Variants in CIROZ observed in about 807,000 individuals in gnomAD.
The protein encoded by CIROZ is ciliated left-right organizer ZP-N domains-containing protein.
chr1:10,964,294 G>T, the CIROZ span: 1 of 1,590,572 alleles, frequency 6.3e-7, no homozygotes, highest in South Asian at 1.1e-5. Flanking sequence ...CAAAATTCAT[G>T]TATGCAAATG....
the CIROZ span, chr1:10,966,269 G>T: frequency 7.2e-7 from 1 of 1,379,708 alleles, no homozygotes; most frequent in South Asian, 1.6e-5. Flanking sequence ...GAATAATGGT[G>T]CAGTGTCTCC....
the CIROZ span, among the ~76,000 whole-genome samples, chr1:10,961,200 C>T: frequency 2.0e-5 from 3 of 152,198 alleles, no homozygotes; most frequent in Non-Finnish European, 4.4e-5. Context: ...CGGCGGCTTC[C>T]AGAATCACAG....
the CIROZ span, chr1:10,946,872 C>T: frequency 6.6e-6 from 1 of 152,318 alleles, no homozygotes; most frequent in African/African-American, 2.4e-5. Context: ...GGGTAAACAC[C>T]AAGGGTTCAT....
At chr1:10,971,714 G>A in the CIROZ span, among the ~76,000 whole-genome samples, 2 of 152,176 alleles carry the variant, frequency 1.3e-5, no homozygotes, top group East Asian at 1.9e-4. Context: ...ACTTCTACTC[G>A]AGTGAGGATA....
At chr1:10,965,847 T>C in the CIROZ span, among the ~76,000 whole-genome samples, 5 of 150,634 alleles carry the variant, frequency 3.3e-5, no homozygotes, top group African/African-American at 9.7e-5. Flanking sequence ...GGAAAAAGAA[T>C]ACAAAAATAT....
chr1:10,948,190 T>C, the CIROZ span: 1 of 1,613,802 alleles, frequency 6.2e-7, no homozygotes, highest in African/African-American at 1.3e-5. Flanking sequence ...ATGTCCTGGC[T>C]TGGTTCTGAG....
At chr1:10,957,455 T>C in the CIROZ span, 1 of 1,056,720 alleles carries the variant, frequency 9.5e-7, no homozygotes, top group Non-Finnish European at 1.3e-6. Flanking sequence ...GCGGAGCGCT[T>C]TACGCTAATG....
the CIROZ span, chr1:10,966,424 C>G: frequency 6.5e-7 from 1 of 1,536,718 alleles, no homozygotes; most frequent in Non-Finnish European, 8.7e-7. Flanking sequence ...AAGCCAGATG[C>G]AGGAAGTAGC....
the CIROZ span, chr1:10,957,861 C>T: frequency 8.9e-5 from 116 of 1,296,538 alleles, no homozygotes; most frequent in African/African-American, 1.5e-3. Context: ...AACAGGGTCA[C>T]GGGGAGGATA....
the CIROZ span, chr1:10,958,570 G>C: frequency 2.0e-6 from 2 of 981,066 alleles, no homozygotes; most frequent in Admixed American, 3.8e-5. Flanking sequence ...GGCAAGACCT[G>C]GTCCTTGAAG....
the CIROZ span, among the ~76,000 whole-genome samples, chr1:10,958,208 G>C: frequency 6.6e-6 from 1 of 152,202 alleles, no homozygotes; most frequent in East Asian, 1.9e-4. Context: ...AGGAGGACTG[G>C]CAGGGAGACA....
the CIROZ span, chr1:10,954,840 G>A: frequency 1.5e-5 from 12 of 795,620 alleles, no homozygotes; most frequent in African/African-American, 1.9e-4. Context: ...TGACGCTCCG[G>A]CCTCGGCTTC....
At chr1:10,964,963 T>C in the CIROZ span, among the ~76,000 whole-genome samples, 3 of 151,918 alleles carry the variant, frequency 2.0e-5, no homozygotes, top group Non-Finnish European at 4.4e-5. Context: ...AAATTCCCAT[T>C]TTACAGATGA....
chr1:10,977,099 T>C, the CIROZ span, among the ~76,000 whole-genome samples: 5 of 151,882 alleles, frequency 3.3e-5, no homozygotes, highest in Admixed American at 1.3e-4. Flanking sequence ...GTCAAGGCTA[T>C]AGTGAGCAGT....
chr1:10,956,621 C>A, the CIROZ span, among the ~76,000 whole-genome samples: 17 of 151,740 alleles, frequency 1.1e-4, no homozygotes, highest in Non-Finnish European at 2.5e-4. Flanking sequence ...GACTACAGGC[C>A]CCCGCCACCA....
chr1:10,954,251 C>T, the CIROZ span: 61 of 1,266,232 alleles, frequency 4.8e-5, no homozygotes, highest in Admixed American at 6.6e-4. Flanking sequence ...GTCAGGAGAT[C>T]GAGACCATCT....
chr1:10,978,547 A>G, the CIROZ span, among the ~76,000 whole-genome samples: 7,250 of 151,838 alleles, frequency 0.048, 574 homozygotes, highest in African/African-American at 0.16. Flanking sequence ...GATGTCTACA[A>G]AAAGATTTTA....
chr1:10,960,216 C>G, the CIROZ span, among the ~76,000 whole-genome samples: 1 of 152,032 alleles, frequency 6.6e-6, no homozygotes. This position sits in a 1 kb window ranked among gnomAD's most constrained non-coding sequence, Gnocchi z 4.6. Flanking sequence ...GGTGAAACCC[C>G]ATCTTTACCG....
At chr1:10,953,720 C>T in the CIROZ span, among the ~76,000 whole-genome samples, 3 of 152,180 alleles carry the variant, frequency 2.0e-5, no homozygotes, top group African/African-American at 7.2e-5. Flanking sequence ...GGTTAAGTAA[C>T]TCACTGAGGT....
Sources: gnomAD v4.1 joint callset for allele counts (sites outside exome capture counted in the v4.1 genomes callset) on GRCh38, gnomAD v4.1.1 for gene constraint, Gnocchi (gnomAD v3.1) non-coding constraint, MANE v1.5 for transcripts, NCBI Gene and HGNC (gene_info 2026-07-23, HGNC 2026-07-21) for gene names.